MBOAT1: variants seen among roughly 807,000 people sequenced by gnomAD.
MBOAT1 encodes the protein membrane bound glycerophospholipid O-acyltransferase 1.
In MBOAT1, 67 loss-of-function variants were observed where a neutral mutation model predicts 64.4. The observed-to-expected ratio is 1.04, with a 90% CI of 0.85 to 1.27. MBOAT1 has a LOEUF of 1.27. MBOAT1 is among the 50% of genes most tolerant of loss of function. The pLI is 0.00. For synonymous variants in MBOAT1, 229 were observed against 218.9 expected (o/e 1.05, Z -0.41); for missense variants, 563 against 604.6 (o/e 0.93, Z 0.72).
intron 5 of MBOAT1, among the ~76,000 whole-genome samples, chr6:20,129,635 C>T (rs987090044): frequency 6.6e-6 from 1 of 151,374 alleles, no homozygotes; most frequent in African/African-American, 2.4e-5. Context: ...ACTGAGAATG[C>T]TTTAAAAAGT....
chr6:20,124,730 A>G (rs1760603291), intron 7 of MBOAT1, 130 bp from the exon 8 acceptor site: 2 of 746,578 alleles, frequency 2.7e-6, no homozygotes, highest in Non-Finnish European at 4.4e-6. Context: ...AAGGAGTGAC[A>G]ACAGGCATTC....
chr6:20,171,119 G>A (rs536389233), intron 1 of MBOAT1, among the ~76,000 whole-genome samples: 2 of 152,278 alleles, frequency 1.3e-5, no homozygotes, highest in East Asian at 3.9e-4. Flanking sequence ...ACAGTTTCAG[G>A]CCTCTACCAG....
intron 1 of MBOAT1, among the ~76,000 whole-genome samples, chr6:20,192,611 C>T (rs79269272): frequency 0.031 from 4,689 of 152,306 alleles, 78 homozygotes; most frequent in Middle Eastern, 0.078. Context: ...TCTCTACTGG[C>T]TTCAAAAATG....
chr6:20,176,746 C>T lies in MBOAT1; in HGVS notation c.100-23977G>A, dbSNP rs562497192. ...TCAAACAATTCTCATGCCTCAGCCT[C>T]CCTAGCAGCTGGGATTACAAGCACG... On this transcript the variant is annotated intron_variant, in intron 1 of 12. Transcript: ENST00000324607. Among the ~76,000 whole-genome samples the T allele has an allele frequency of 2.8e-4, 42 of 152,254 alleles. 1 individual carries two copies. The highest frequency in any genetic ancestry group is 9.9e-4 in the African/African-American group (41 of 41,536).
chr6:20,152,747 A>G lies in MBOAT1; in HGVS notation c.122T>C (p.Leu41Pro). 6.2e-7 allele frequency: 1 copy of G among 1,612,104 alleles called. No individual in the cohort carries two copies. Among genetic ancestry groups the G allele is most frequent in the South Asian group, 1.1e-5 (1 of 90,882 alleles). ...CCAGAAAGCAGCAAACAGAGCAACAAGCTGGCATACCACAAAATTCACCTG... is the reference window on the plus strand; with the variant it reads ...CCAGAAAGCAGCAAACAGAGCAACAGGCTGGCATACCACAAAATTCACCTG... ...LDQVNFVVCQ[L>P]VALFAAFWFR... Residue 41 changes from leucine (L) to proline (P), a missense_variant, in exon 2 of 13, where the codon CTT (leucine) becomes CCT (proline). Transcript: ENST00000324607.
At chr6:20,198,501 T>A (rs1243461350) in intron 1 of MBOAT1, among the ~76,000 whole-genome samples, 2 of 152,212 alleles carry the variant, frequency 1.3e-5, no homozygotes, top group African/African-American at 4.8e-5. Context: ...TAACTAGCAT[T>A]TTCTAGTCTT....
rs767808715 is a variant in MBOAT1 at position 20,172,300 on chromosome 6, G to T, written c.100-19531C>A. ...ATACAAAAATTAGCTGGGCATGGTGGTGCCTATATTCCCAGCTACCCAGGA... is the reference window on the plus strand; with the variant it reads ...ATACAAAAATTAGCTGGGCATGGTGTTGCCTATATTCCCAGCTACCCAGGA... On this transcript the variant is annotated intron_variant, in intron 1 of 12. Transcript: ENST00000324607. Among the ~76,000 whole-genome samples, 100 of 152,018 alleles carry T rather than the reference G, an allele frequency of 6.6e-4. 1 individual carries two copies. The highest frequency in any genetic ancestry group is 3.4e-4 in the Non-Finnish European group (23 of 67,990).
At chr6:20,161,443 C>A (rs543598092) in intron 1 of MBOAT1, among the ~76,000 whole-genome samples, 1 of 152,052 alleles carries the variant, frequency 6.6e-6, no homozygotes, top group Non-Finnish European at 1.5e-5. Context: ...CCCCCACCCC[C>A]ACTCCATGGA....
At chr6:20,105,272 C>T (rs1759917007) in intron 12 of MBOAT1, among the ~76,000 whole-genome samples, 1 of 152,222 alleles carries the variant, frequency 6.6e-6, no homozygotes, top group Non-Finnish European at 1.5e-5. Flanking sequence ...AAGTGGAAAA[C>T]ACCTAGTAAG....
At chr6:20,205,668 C>A (rs1763240497) in intron 1 of MBOAT1, among the ~76,000 whole-genome samples, 1 of 152,178 alleles carries the variant, frequency 6.6e-6, no homozygotes, top group Admixed American at 6.5e-5. Context: ...CCAGGCCTGT[C>A]CTCTGCAACT....
At chr6:20,174,632 C>T (rs902084019) in intron 1 of MBOAT1, among the ~76,000 whole-genome samples, 26 of 152,166 alleles carry the variant, frequency 1.7e-4, no homozygotes, top group African/African-American at 6.3e-4. Context: ...GGTTTGTTTA[C>T]ACCAGCATCA....
At chr6:20,164,116 T>C (rs1761943420) in intron 1 of MBOAT1, among the ~76,000 whole-genome samples, 1 of 151,574 alleles carries the variant, frequency 6.6e-6, no homozygotes. Flanking sequence ...ATAATGTGTG[T>C]GTATAAAATC....
rs1760591005 is a variant in MBOAT1 at position 20,124,464 on chromosome 6, T to G, written c.851A>C (p.Tyr284Ser). ...HKASFPARLC[Y>S]LYVVMQASKP... Reference sequence around the variant, plus strand: ...TGAGGCTTGCATGACAACATATAAGTAGCAGAGTCGAGCCGGAAAGCTTGC... The same window carrying G: ...TGAGGCTTGCATGACAACATATAAGGAGCAGAGTCGAGCCGGAAAGCTTGC... Residue 284 changes from tyrosine to serine, a missense_variant, in exon 8 of 13, where the codon TAC (tyrosine) becomes TCC (serine). Transcript: ENST00000324607. 1.2e-6 allele frequency: 2 copies of G among 1,614,148 alleles called. No homozygotes were observed. The highest frequency in any genetic ancestry group is 1.7e-6 in the Non-Finnish European group (2 of 1,180,024).
chr6:20,153,761 C>A (rs1312961586), intron 1 of MBOAT1, among the ~76,000 whole-genome samples: 1 of 152,146 alleles, frequency 6.6e-6, no homozygotes, highest in Non-Finnish European at 1.5e-5. Context: ...TTAGAAAAAT[C>A]TCAGTGGTCT....
intron 9 of MBOAT1, among the ~76,000 whole-genome samples, chr6:20,116,472 A>G (rs1215916842): frequency 6.6e-6 from 1 of 152,220 alleles, no homozygotes; most frequent in African/African-American, 2.4e-5. Flanking sequence ...TAGGCCACAC[A>G]TTGGCCTAAT....
At chr6:20,165,929 T>C (rs1176193086) in intron 1 of MBOAT1, among the ~76,000 whole-genome samples, 2 of 152,120 alleles carry the variant, frequency 1.3e-5, no homozygotes, top group Non-Finnish European at 2.9e-5. Flanking sequence ...AGTTCATTTT[T>C]TAGCTAATTT....
intron 3 of MBOAT1, among the ~76,000 whole-genome samples, chr6:20,145,784 A>G (rs1323801965): frequency 6.6e-6 from 1 of 152,128 alleles, no homozygotes; most frequent in East Asian, 1.9e-4. Context: ...TGCAATTCCC[A>G]TCTCCATCCA....
At chr6:20,111,885 T>TACATATATATATAC in intron 11 of MBOAT1, among the ~76,000 whole-genome samples, 1 of 141,002 alleles carries the variant, frequency 7.1e-6, no homozygotes, top group East Asian at 2.0e-4. Context: ...TATATGTATA[T>TACATATATATATAC]ATATATATTC....
chr6:20,191,169 G>A (rs965446970), intron 1 of MBOAT1, among the ~76,000 whole-genome samples: 3 of 152,214 alleles, frequency 2.0e-5, no homozygotes, highest in South Asian at 2.1e-4. Context: ...TAGTTATCTC[G>A]AAAACAGGTT....
Sources: allele counts gnomAD v4.1 joint callset (sites outside exome capture counted in the v4.1 genomes callset), GRCh38; gene constraint gnomAD v4.1.1; transcripts MANE v1.5; gene names NCBI Gene and HGNC (gene_info 2026-07-23, HGNC 2026-07-21).